LRP1B: variants seen among roughly 807,000 people sequenced by gnomAD.
LRP1B encodes the protein low-density lipoprotein receptor-related protein 1B.
LRP1B carries 217 observed loss-of-function variants against 556.6 expected under a neutral mutation model. The ratio of observed to expected loss-of-function variants is 0.39; its 90% CI spans 0.35 to 0.44. The LOEUF is 0.44. Among genes scored for constraint, LRP1B ranks in the 20% least tolerant of loss-of-function variants. LRP1B has a pLI of 1.00. For synonymous variants in LRP1B, 2,047 were observed against 1,865.8 expected, an observed-to-expected ratio of 1.10 and a Z score of -2.50; for missense variants, 5,053 against 5,620.8, an observed-to-expected ratio of 0.90 and a Z score of 3.23.
At chr2:141,596,978 T>A (rs1037040147) in intron 2 of LRP1B, among the ~76,000 whole-genome samples, 1 of 151,792 alleles carries the variant, frequency 6.6e-6, no homozygotes, top group South Asian at 2.1e-4. Flanking sequence ...AACATATATA[T>A]GTAAAAAAAA....
intron 1 of LRP1B, among the ~76,000 whole-genome samples, chr2:141,851,805 A>G (rs1697867175): frequency 6.6e-6 from 1 of 151,732 alleles, no homozygotes; most frequent in African/African-American, 2.4e-5. Context: ...ATCCAAATAG[A>G]CATACCTATC....
intron 43 of LRP1B, among the ~76,000 whole-genome samples, chr2:140,576,075 T>C (rs897142515): frequency 1.3e-5 from 2 of 152,144 alleles, no homozygotes; most frequent in Non-Finnish European, 2.9e-5. Flanking sequence ...CAACAGGACA[T>C]GTAAAGTTTT....
intron 41 of LRP1B, among the ~76,000 whole-genome samples, chr2:140,632,616 T>C (rs1031200711): frequency 1.3e-5 from 2 of 152,130 alleles, no homozygotes; most frequent in African/African-American, 2.4e-5. Context: ...GTGCTACAAA[T>C]GTTAAGACAA....
chr2:142,084,296 C>T (rs918196246), intron 1 of LRP1B, among the ~76,000 whole-genome samples: 1 of 152,066 alleles, frequency 6.6e-6, no homozygotes, highest in African/African-American at 2.4e-5. Context: ...TCTTCTTTTT[C>T]ATGATTCACG....
At chr2:141,229,072 A>C in intron 6 of LRP1B, 111 bp downstream of exon 6, 1 of 1,062,574 alleles carries the variant, frequency 9.4e-7, no homozygotes, top group Admixed American at 2.1e-5. Context: ...GTATTTGCAC[A>C]TACAGCTTTC....
At position 140,851,641 on chromosome 2, in the gene LRP1B, A is replaced by G; in HGVS notation, c.4711+11T>C. The stretch of plus-strand genomic sequence containing the variant: ...TGTTTTTATTTTCGATTAGAACTGT[A>G]AGAAATTTACCATAGCAGGTCTTCT... On this transcript the variant is annotated intron_variant, in intron 28 of 90. Coordinates refer to ENST00000389484, the MANE Select transcript of LRP1B (RefSeq NM_018557.3). 1 of 1,604,874 alleles carries G rather than the reference A, an allele frequency of 6.2e-7. No individual in the cohort carries two copies. Among genetic ancestry groups the G allele is most frequent in the Non-Finnish European group, 8.5e-7 (1 of 1,177,112 alleles).
intron 7 of LRP1B, among the ~76,000 whole-genome samples, chr2:141,131,004 T>TCA (rs1457243352): frequency 6.6e-6 from 1 of 151,968 alleles, no homozygotes; most frequent in Non-Finnish European, 1.5e-5. Context: ...GAGGGGAACA[T>TCA]CACACAGGGC....
At chr2:141,149,298 C>G (rs970283867) in intron 7 of LRP1B, among the ~76,000 whole-genome samples, 10 of 151,902 alleles carry the variant, frequency 6.6e-5, no homozygotes, top group Admixed American at 3.9e-4. Flanking sequence ...CCACTATGGC[C>G]TGAGAAACCA....
intron 1 of LRP1B, among the ~76,000 whole-genome samples, chr2:142,091,290 T>C (rs1238912182): frequency 2.6e-5 from 4 of 152,128 alleles, no homozygotes; most frequent in Admixed American, 2.0e-4. Flanking sequence ...GAGATTGAGA[T>C]TGGAAAATAC....
chr2:142,039,905 CATCA>C (rs1166677510), intron 1 of LRP1B, among the ~76,000 whole-genome samples: 1 of 150,610 alleles, frequency 6.6e-6, no homozygotes, highest in Non-Finnish European at 1.5e-5. Context: ...TGTAGATTTT[CATCA>C]ATCAATTAAG....
At chr2:140,327,719 A>T (rs1680565030) in intron 79 of LRP1B, among the ~76,000 whole-genome samples, 2 of 151,522 alleles carry the variant, frequency 1.3e-5, no homozygotes, top group African/African-American at 4.9e-5. Flanking sequence ...GGAAGAAAAC[A>T]GTGAGTATGT....
At chr2:141,497,957 C>T (rs113023503) in intron 2 of LRP1B, among the ~76,000 whole-genome samples, 7 of 137,948 alleles carry the variant, frequency 5.1e-5, no homozygotes, top group East Asian at 2.0e-4. Context: ...CACAGTCATA[C>T]GAAAAAAATG....
At chr2:141,242,565 A>G (rs904192276) in intron 5 of LRP1B, among the ~76,000 whole-genome samples, 3 of 152,024 alleles carry the variant, frequency 2.0e-5, no homozygotes, top group Non-Finnish European at 2.9e-5. Flanking sequence ...CTCTAAATCA[A>G]TGAACTGCAA....
intron 66 of LRP1B, among the ~76,000 whole-genome samples, chr2:140,429,418 C>T (rs1685817344): frequency 6.6e-6 from 1 of 152,114 alleles, no homozygotes; most frequent in Non-Finnish European, 1.5e-5. Context: ...CCTTTGCACC[C>T]TTCATCCCAG....
intron 2 of LRP1B, among the ~76,000 whole-genome samples, chr2:141,725,656 G>A (rs1693002313): frequency 6.6e-6 from 1 of 151,714 alleles, no homozygotes; most frequent in Non-Finnish European, 1.5e-5. Flanking sequence ...AATACAAGTA[G>A]TCTTTTTGGT....
chr2:140,632,739 A>T (rs1683930999), intron 41 of LRP1B, among the ~76,000 whole-genome samples: 1 of 152,170 alleles, frequency 6.6e-6, no homozygotes, highest in East Asian at 1.9e-4. Flanking sequence ...AAAAAATAAA[A>T]ACAAGACCCA....
intron 41 of LRP1B, among the ~76,000 whole-genome samples, chr2:140,640,383 C>CTTTTTTCTTTTT (rs1684242692): frequency 4.1e-5 from 2 of 48,466 alleles, no homozygotes; most frequent in African/African-American, 8.5e-5. Flanking sequence ...GTCCTGTTTT[C>CTTTTTTCTTTTT]TTTTTTTTTT....
At chr2:140,299,503 G>A (rs777234813) in intron 83 of LRP1B, among the ~76,000 whole-genome samples, 20 of 151,950 alleles carry the variant, frequency 1.3e-4, no homozygotes, top group African/African-American at 3.9e-4. Context: ...TACGTTAAAC[G>A]CTGAGTAATC....
At chr2:140,833,709 C>T (rs1052394779) in intron 31 of LRP1B, among the ~76,000 whole-genome samples, 1 of 152,140 alleles carries the variant, frequency 6.6e-6, no homozygotes, top group African/African-American at 2.4e-5. Context: ...CATATATACA[C>T]ACCCATAATT....
Sources: allele counts gnomAD v4.1 joint callset (sites outside exome capture counted in the v4.1 genomes callset), GRCh38; gene constraint gnomAD v4.1.1; transcripts MANE v1.5; gene names NCBI Gene and HGNC (gene_info 2026-07-23, HGNC 2026-07-21).